The following RASAL2 variants were observed in gnomAD, a reference collection of about 807,000 sequenced individuals.
The protein encoded by RASAL2 is ras GTPase-activating protein nGAP.
In RASAL2, 58 loss-of-function variants were observed where a neutral mutation model predicts 128.9. The ratio of observed to expected loss-of-function variants is 0.45; its 90% CI spans 0.36 to 0.56. The LOEUF is 0.56. Among genes scored for constraint, RASAL2 ranks in the 20% least tolerant of loss-of-function variants. The pLI is 0.00. For synonymous variants in RASAL2, 561 were observed against 580.8 expected, an observed-to-expected ratio of 0.97 and a Z score of 0.49; for missense variants, 1,360 against 1,601.6, an observed-to-expected ratio of 0.85 and a Z score of 2.57.
At position 178,441,663 on chromosome 1, in the gene RASAL2, A is replaced by G. The variant is rs916706203; in HGVS notation, c.927+16A>G. The G allele has an allele frequency of 2.5e-6, 4 of 1,577,924 alleles. No homozygotes were observed. The highest frequency in any genetic ancestry group is 3.4e-5 in the Admixed American group (2 of 59,592). ...ACCTAATAAGGTAATAGTAGCTTCA[A>G]GTATCTAAAAAATGTATAACTTTGT... On this transcript the variant is annotated intron_variant, in intron 7 of 17. Coordinates refer to ENST00000367649, the MANE Select transcript of RASAL2 (RefSeq NM_170692.4).
intron 3 of RASAL2, among the ~76,000 whole-genome samples, chr1:178,335,256 A>C (rs913530510): frequency 2.0e-5 from 3 of 152,148 alleles, no homozygotes; most frequent in Admixed American, 1.3e-4. Flanking sequence ...CTACAGAAAA[A>C]AAATATAGCA....
At chr1:178,183,822 C>T (rs1662199405) in intron 1 of RASAL2, among the ~76,000 whole-genome samples, 1 of 152,150 alleles carries the variant, frequency 6.6e-6, no homozygotes, top group African/African-American at 2.4e-5. Context: ...TGTGTAAATA[C>T]CTAGGAGCAT....
chr1:178,341,377 A>G (rs370865799), intron 3 of RASAL2: 1 of 1,340,052 alleles, frequency 7.5e-7, no homozygotes, highest in Non-Finnish European at 9.6e-7. Flanking sequence ...AGTGCTCTCT[A>G]GCAAAAGAAT....
At chr1:178,438,102 T>TTGTG (rs58641965) in intron 5 of RASAL2, among the ~76,000 whole-genome samples, 8,580 of 142,044 alleles carry the variant, frequency 0.06, 269 homozygotes, top group Non-Finnish European at 0.069. Context: ...AAATGGTGGC[T>TTGTG]TGTGTGTGTG....
chr1:178,119,270 A>G (rs1179602088), intron 1 of RASAL2, among the ~76,000 whole-genome samples: 2 of 151,394 alleles, frequency 1.3e-5, no homozygotes, highest in Non-Finnish European at 2.9e-5. Flanking sequence ...TAACTCAAAA[A>G]CTCTGGCCAG....
intron 1 of RASAL2, among the ~76,000 whole-genome samples, chr1:178,131,115 C>T (rs991894743): frequency 3.3e-5 from 5 of 151,326 alleles, no homozygotes; most frequent in South Asian, 2.1e-4. Context: ...TGTTAGGTTA[C>T]GAGATTAATT....
chr1:178,350,113 AC>A (rs1312255645), intron 3 of RASAL2, among the ~76,000 whole-genome samples: 1 of 152,172 alleles, frequency 6.6e-6, no homozygotes, highest in Non-Finnish European at 1.5e-5. Context: ...TTTTACTCAA[AC>A]TTGATGTTTT....
At chr1:178,318,730 A>G (rs376104005) in intron 3 of RASAL2, among the ~76,000 whole-genome samples, 14 of 152,140 alleles carry the variant, frequency 9.2e-5, no homozygotes, top group African/African-American at 2.9e-4. Context: ...ACACTGATGG[A>G]TCTTGACTCT....
rs190900241 is a variant in RASAL2 at position 178,105,307 on chromosome 1, G to A, written c.202+10613G>A. ...GAAAAAATCATATTTTATATAGACC[G>A]TTAACAAAGTTAACCAAATTTTCTT... On this transcript the variant is annotated intron_variant, in intron 1 of 17. Coordinates refer to ENST00000367649, the MANE Select transcript of RASAL2 (RefSeq NM_170692.4). 9.2e-4 allele frequency among the ~76,000 whole-genome samples: 140 copies of A among 152,222 alleles called. 1 individual carries two copies. Among genetic ancestry groups the A allele is most frequent in the African/African-American group, 3.2e-3 (132 of 41,534 alleles).
chr1:178,400,303 T>A (rs1292308620), intron 4 of RASAL2, among the ~76,000 whole-genome samples: 1 of 152,122 alleles, frequency 6.6e-6, no homozygotes, highest in Non-Finnish European at 1.5e-5. Context: ...CCCAAACAAG[T>A]TTTCTCAGGT....
At chr1:178,159,445 T>C (rs543200149) in intron 1 of RASAL2, among the ~76,000 whole-genome samples, 2 of 152,308 alleles carry the variant, frequency 1.3e-5, no homozygotes, top group East Asian at 3.9e-4. Flanking sequence ...GGCTGGCCAG[T>C]CTGCATACAG....
At chr1:178,344,411 A>G (rs1455195013) in intron 3 of RASAL2, among the ~76,000 whole-genome samples, 2 of 152,174 alleles carry the variant, frequency 1.3e-5, no homozygotes, top group African/African-American at 4.8e-5. Flanking sequence ...AGGAGCAGGG[A>G]CTTGAAGCTG....
intron 1 of RASAL2, among the ~76,000 whole-genome samples, chr1:178,236,468 C>A (rs1340501688): frequency 2.6e-5 from 4 of 152,164 alleles, no homozygotes; most frequent in African/African-American, 9.6e-5. Flanking sequence ...CAAATTTTTA[C>A]TAGTCAACCA....
chr1:178,410,552 A>C (rs1674296633), intron 4 of RASAL2, among the ~76,000 whole-genome samples: 1 of 152,228 alleles, frequency 6.6e-6, no homozygotes, highest in African/African-American at 2.4e-5. Flanking sequence ...AAGCTTCTGC[A>C]CAGCAAAAGA....
chr1:178,170,136 T>G (rs1310893765), intron 1 of RASAL2, among the ~76,000 whole-genome samples: 1 of 151,976 alleles, frequency 6.6e-6, no homozygotes, highest in African/African-American at 2.4e-5. Flanking sequence ...GTTACTTGGT[T>G]GCTAAAAAAG....
chr1:178,171,952 C>T (rs1440848069), intron 1 of RASAL2, among the ~76,000 whole-genome samples: 1 of 151,974 alleles, frequency 6.6e-6, no homozygotes, highest in East Asian at 1.9e-4. Flanking sequence ...TTTTCATGCT[C>T]TATTTCATAT....
intron 1 of RASAL2, among the ~76,000 whole-genome samples, chr1:178,261,164 T>C (rs1665676759): frequency 6.6e-6 from 1 of 152,226 alleles, no homozygotes; most frequent in Non-Finnish European, 1.5e-5. Context: ...GTTTCCAATC[T>C]GTATTTTGAG....
At chr1:178,274,770 T>G (rs1004169916) in intron 1 of RASAL2, among the ~76,000 whole-genome samples, 4 of 152,070 alleles carry the variant, frequency 2.6e-5, no homozygotes, top group Non-Finnish European at 5.9e-5. Flanking sequence ...GTACTCTTTT[T>G]GTAGAGCCAG....
chr1:178,337,065 G>A (rs916387320), intron 3 of RASAL2, among the ~76,000 whole-genome samples: 2 of 150,194 alleles, frequency 1.3e-5, no homozygotes, highest in African/African-American at 4.9e-5. Flanking sequence ...CTTCCTCCTA[G>A]CCAATTGCCA....
Sources: allele counts gnomAD v4.1 joint callset (sites outside exome capture counted in the v4.1 genomes callset), GRCh38; gene constraint gnomAD v4.1.1; transcripts MANE v1.5; gene names NCBI Gene and HGNC (gene_info 2026-07-23, HGNC 2026-07-21).